The following DIABLO variants were observed in gnomAD, a reference collection of about 807,000 sequenced individuals.
The protein encoded by DIABLO is diablo homolog, mitochondrial.
DIABLO carries 32 observed loss-of-function variants against 31.7 expected under a neutral mutation model. The observed-to-expected ratio is 1.01, with a 90% CI of 0.76 to 1.35. The LOEUF is 1.35. Ranked by LOEUF, DIABLO falls within the 40% of genes most tolerant of loss-of-function variation. The probability of loss-of-function intolerance (pLI) is 0.00; values close to 1 mark genes in which losing one functional copy is unlikely to be tolerated. For missense variants in DIABLO, 316 were observed against 286.4 expected (o/e 1.10, Z -0.75); for synonymous variants, 132 against 103.2 (o/e 1.28, Z -1.69).
At chr12:122,225,774 A>C in intron 1 of DIABLO, 191 bp downstream of exon 1, 2 of 1,443,730 alleles carry the variant, frequency 1.4e-6, no homozygotes, top group Non-Finnish European at 1.8e-6. Flanking sequence ...CTGAAAAGGA[A>C]GCCGGGCTTG....
intron 2 of DIABLO, among the ~76,000 whole-genome samples, chr12:122,222,742 A>C (rs1452379590): frequency 6.6e-6 from 1 of 152,086 alleles, no homozygotes; most frequent in Non-Finnish European, 1.5e-5. Context: ...TTCTTACAAG[A>C]AGCACACAAC....
chr12:122,216,004 T>C (rs1479574914), intron 5 of DIABLO, among the ~76,000 whole-genome samples: 1 of 150,590 alleles, frequency 6.6e-6, no homozygotes, highest in Non-Finnish European at 1.5e-5. Flanking sequence ...TCTTCACATA[T>C]AAAAAGTGCC....
At chr12:122,214,685 G>A (rs550904856) in intron 5 of DIABLO, among the ~76,000 whole-genome samples, 97 of 152,152 alleles carry the variant, frequency 6.4e-4, no homozygotes, top group South Asian at 3.1e-3. Context: ...CCAAAGACAC[G>A]CGTTGAGTCC....
chr12:122,210,425 T>G (rs560193229), intron 5 of DIABLO, among the ~76,000 whole-genome samples: 4 of 144,160 alleles, frequency 2.8e-5, no homozygotes, highest in African/African-American at 1.0e-4. Flanking sequence ...CAGGCTGGAG[T>G]GCAGTGGCGC....
intron 5 of DIABLO, chr12:122,209,547 C>T (rs1954030003): frequency 3.8e-6 from 2 of 521,808 alleles, no homozygotes; most frequent in Non-Finnish European, 6.9e-6. Context: ...CACCTGCAGT[C>T]TCAGCTACTT....
At chr12:122,210,732 C>T (rs556168331) in intron 5 of DIABLO, among the ~76,000 whole-genome samples, 2 of 151,986 alleles carry the variant, frequency 1.3e-5, no homozygotes, top group East Asian at 3.9e-4. Flanking sequence ...TCACCTGGTA[C>T]AAAATTTACT....
At chr12:122,226,840 T>C (rs979344295), upstream of DIABLO, among the ~76,000 whole-genome samples, 1 of 152,234 alleles carries the variant, frequency 6.6e-6, no homozygotes, top group African/African-American at 2.4e-5. Flanking sequence ...GCATGAGTTT[T>C]CCTCCCTGGC....
intron 1 of DIABLO, 139 bp downstream of exon 1, chr12:122,225,826 C>T: frequency 3.3e-6 from 5 of 1,507,834 alleles, no homozygotes; most frequent in Non-Finnish European, 4.4e-6. Flanking sequence ...TCCTCCCGAC[C>T]GGAGCGAGAC....
chr12:122,216,540 C>T lies in DIABLO; in HGVS notation c.471G>A (p.Trp157Ter). The T allele has an allele frequency of 6.2e-7, 1 of 1,614,146 alleles. No individual in the cohort carries two copies. Among genetic ancestry groups the T allele is most frequent in the South Asian group, 1.1e-5 (1 of 91,080 alleles). Residue 157 changes from tryptophan to a stop codon, truncating the protein, a stop_gained, in exon 5 of 6, where the codon TGG (tryptophan) becomes TGA (stop). Transcript: ENST00000464942. LOFTEE classifies it high-confidence loss of function. ...TCTCTGAAAGACCAACTGCAGTCAT[C>T]CAAGTGGTTTCCAGCTTCAAGTACT... ...HQEYLKLETT[W>*]MTAVGLSEMA...
rs542888625 is a variant in DIABLO, at chr12:122,209,619, C to T, written c.524-1042G>A. ...GGCGGAGGTTGCAGTGAGCTGAGAT[C>T]GCGCCACTTCACTCCAGCCTAGGTG... is the stretch of plus-strand genomic sequence containing the variant. On this transcript the variant is annotated intron_variant, in intron 5 of 5. Coordinates refer to ENST00000464942, the MANE Select transcript of DIABLO (RefSeq NM_001371333.1). 2.9e-4 allele frequency: 177 copies of T among 619,054 alleles called. 1 individual carries two copies. The highest frequency in any genetic ancestry group is 2.7e-3 in the South Asian group (148 of 53,878). 38.3% of individuals were successfully genotyped at this position (619,054 alleles called of 1,614,324 possible). A position where few individuals can be genotyped will look rare whatever the true frequency, so the allele number is the denominator to read the frequency against.
chr12:122,217,282 A>G (rs1185310267), intron 3 of DIABLO: 1 of 232,628 alleles, frequency 4.3e-6, no homozygotes, highest in Non-Finnish European at 8.5e-6. Flanking sequence ...GGAGGCTAAG[A>G]CACGTGGATC....
At chr12:122,226,503 A>C (rs1314712409), upstream of DIABLO, 2 of 698,792 alleles carry the variant, frequency 2.9e-6, no homozygotes, top group East Asian at 5.4e-5. Flanking sequence ...GTAGCTGAGG[A>C]GCACGAAGGC....
At chr12:122,222,593 T>TAAAA in intron 2 of DIABLO, 1 of 89,842 alleles carries the variant, frequency 1.1e-5, no homozygotes, top group African/African-American at 3.2e-5. Context: ...AAAAAAAAAT[T>TAAAA]TTTGGAATCT....
intron 2 of DIABLO, among the ~76,000 whole-genome samples, chr12:122,223,678 G>A (rs1236248288): frequency 2.0e-5 from 3 of 151,976 alleles, no homozygotes; most frequent in South Asian, 2.1e-4. Context: ...GCTCCTCCCC[G>A]CACCAGATAG....
At chr12:122,210,978 C>G (rs1027475407) in intron 5 of DIABLO, among the ~76,000 whole-genome samples, 2 of 143,420 alleles carry the variant, frequency 1.4e-5, no homozygotes, top group Admixed American at 7.5e-5. Context: ...GAGGTTGAGA[C>G]TACAGCAAGC....
intron 5 of DIABLO, among the ~76,000 whole-genome samples, chr12:122,212,486 C>T (rs1954109373): frequency 6.6e-6 from 1 of 152,170 alleles, no homozygotes; most frequent in South Asian, 2.1e-4. Flanking sequence ...GATTTATCGT[C>T]ACCTCTAGTG....
chr12:122,208,627 G>T, intron 5 of DIABLO, 50 bp from the exon 6 acceptor site: 1 of 1,586,068 alleles, frequency 6.3e-7, no homozygotes, highest in Non-Finnish European at 8.6e-7. Flanking sequence ...GGGCGCGGAA[G>T]GCTCATGTGG....
intron 5 of DIABLO, among the ~76,000 whole-genome samples, chr12:122,209,359 AAAAAAAAG>A (rs1265204798): frequency 1.0e-4 from 15 of 148,050 alleles, no homozygotes; most frequent in East Asian, 3.9e-4. Flanking sequence ...TCCGTCTCAA[AAAAAAAAG>A]AAAAAAAGAA....
At chr12:122,225,571 C>T (rs2136110427) in intron 1 of DIABLO, 1 of 1,179,778 alleles carries the variant, frequency 8.5e-7, no homozygotes. Context: ...CCAGCTCCCC[C>T]GGCCCCTTCT....
Sources: gnomAD v4.1 joint callset for allele counts (sites outside exome capture counted in the v4.1 genomes callset) on GRCh38, gnomAD v4.1.1 for gene constraint, MANE v1.5 for transcripts, NCBI Gene and HGNC (gene_info 2026-07-23, HGNC 2026-07-21) for gene names.